MRE11: variants seen among roughly 807,000 people sequenced by gnomAD.
The protein encoded by MRE11 is MRE11 double strand break repair nuclease.
MRE11 carries 62 observed loss-of-function variants against 91.7 expected under a neutral mutation model. The ratio of observed to expected loss-of-function variants is 0.68; its 90% CI spans 0.55 to 0.84. MRE11 has a LOEUF of 0.84. Ranked by LOEUF, MRE11 falls within the 40% of genes least tolerant of loss-of-function variation. The probability of loss-of-function intolerance (pLI) is 0.00; values close to 1 mark genes in which losing one functional copy is unlikely to be tolerated. For synonymous variants in MRE11, 273 were observed against 271.4 expected, an observed-to-expected ratio of 1.01 and a Z score of -0.06; for missense variants, 796 against 852.9, an observed-to-expected ratio of 0.93 and a Z score of 0.83.
At chr11:94,497,043 C>T (rs1947426566), upstream of MRE11, 2 of 1,526,492 alleles carry the variant, frequency 1.3e-6, no homozygotes, top group South Asian at 1.1e-5. Flanking sequence ...GGCCATCATA[C>T]CTATCTCTTG....
Position 94,417,545 on chromosome 11 carries a change from C to T in MRE11, c.*2580G>A, listed in dbSNP as rs1345204336. 1 of 232,860 alleles carries T rather than the reference C, an allele frequency of 4.3e-6. No homozygotes were observed. Among genetic ancestry groups the T allele is most frequent in the Non-Finnish European group, 8.5e-6 (1 of 117,900 alleles). 14.4% of individuals were successfully genotyped at this position (232,860 alleles called of 1,614,324 possible). ...CTTCGTAATTTTAGATTTGCAGTTG[C>T]ATCCTCCTAACTGCGTCTAATGGCA... is the stretch of plus-strand genomic sequence containing the variant. On this transcript the variant is annotated 3_prime_UTR_variant, in exon 20 of 20. Coordinates refer to ENST00000323929, the MANE Select transcript of MRE11 (RefSeq NM_005591.4).
At chr11:94,462,543 A>G (rs112100157) in intron 11 of MRE11, among the ~76,000 whole-genome samples, 7 of 152,360 alleles carry the variant, frequency 4.6e-5, no homozygotes, top group Middle Eastern at 3.4e-3. Context: ...ACAAGGCTAC[A>G]GTAACCAAAA....
In MRE11 at chr11:94,418,143, C is replaced by A. The variant is rs552230645; in HGVS notation, c.*1982G>T. 105 of 232,922 alleles carry A rather than the reference C, an allele frequency of 4.5e-4. No homozygotes were observed. The highest frequency in any genetic ancestry group is 2.2e-3 in the African/African-American group (102 of 45,428). 14.4% of individuals were successfully genotyped at this position (232,922 alleles called of 1,614,324 possible). On this transcript the variant is annotated 3_prime_UTR_variant, in exon 20 of 20. Coordinates refer to ENST00000323929, the MANE Select transcript of MRE11 (RefSeq NM_005591.4). ...ACTCCCCTAAAACCAACAGATTTTG[C>A]AGGATCAATATAAAATATTAAGGAT...
intron 19 of MRE11, among the ~76,000 whole-genome samples, chr11:94,423,990 G>C (rs536553550): frequency 3.9e-5 from 6 of 152,252 alleles, no homozygotes; most frequent in Admixed American, 6.5e-5. Context: ...GGCAGCCATG[G>C]CCTCTGTCTA....
upstream of MRE11, among the ~76,000 whole-genome samples, chr11:94,495,400 A>C (rs1404294681): frequency 6.6e-6 from 1 of 152,192 alleles, no homozygotes; most frequent in Non-Finnish European, 1.5e-5. Context: ...TTCAGCTTAT[A>C]ATCTTTTAAG....
rs13447762 is a variant in MRE11 at position 94,417,252 on chromosome 11, A to C, written c.*2873T>G. On this transcript the variant is annotated 3_prime_UTR_variant, in exon 20 of 20. Transcript: ENST00000323929. ...TCGGCCTCCCAAAGTGCTGGGATTA[A>C]AGGCATGAGCCACTGCACCCAGCCC... 1,779 of 188,142 alleles carry C rather than the reference A, an allele frequency of 9.5e-3. 15 individuals carry two copies. Among genetic ancestry groups the C allele is most frequent in the Non-Finnish European group, 0.014 (1,206 of 89,296 alleles). 11.7% of individuals were successfully genotyped at this position (188,142 alleles called of 1,614,324 possible). A position where few individuals can be genotyped will look rare whatever the true frequency, so the allele number is the denominator to read the frequency against.
chr11:94,458,093 A>G (rs142370475), intron 13 of MRE11, among the ~76,000 whole-genome samples: 211 of 152,234 alleles, frequency 1.4e-3, no homozygotes, highest in African/African-American at 4.9e-3. Context: ...CTCTGGAAGT[A>G]CTTGGTATTA....
At chr11:94,497,824 A>C, upstream of MRE11, 1 of 415,444 alleles carries the variant, frequency 2.4e-6, no homozygotes, top group Non-Finnish European at 4.3e-6. Flanking sequence ...GAGTAAATGT[A>C]TGGTTTGATA....
chr11:94,440,112 T>C (rs1173549457), intron 16 of MRE11, among the ~76,000 whole-genome samples: 2 of 152,226 alleles, frequency 1.3e-5, no homozygotes, highest in African/African-American at 4.8e-5. Context: ...TTAACCATCA[T>C]GCTCTGCTGC....
rs1211668019 is a variant in MRE11, at chr11:94,418,912, T to C, written c.*1213A>G. On this transcript the variant is annotated 3_prime_UTR_variant, in exon 20 of 20. Coordinates refer to ENST00000323929, the MANE Select transcript of MRE11 (RefSeq NM_005591.4). ...GTCTGTCTCTTATAATTTGACACAT[T>C]CCAGGTATGACTATTCTAATGGTCA... The C allele has an allele frequency of 4.3e-6, 1 of 231,038 alleles. No individual in the cohort carries two copies. 14.3% of individuals were successfully genotyped at this position (231,038 alleles called of 1,614,324 possible).
At chr11:94,504,749 A>G in the MRE11 span, among the ~76,000 whole-genome samples, 1,440 of 152,348 alleles carry the variant, frequency 9.5e-3, 36 homozygotes, top group East Asian at 0.073. Flanking sequence ...ATAGAATTAA[A>G]CACAAGTAAT....
At chr11:94,457,887 T>A (rs199702435) in intron 13 of MRE11, among the ~76,000 whole-genome samples, 40 of 144,284 alleles carry the variant, frequency 2.8e-4, no homozygotes, top group African/African-American at 5.2e-4. Flanking sequence ...TCTCTCTCTC[T>A]CACACACACA....
chr11:94,438,965 C>T (rs1037264369), intron 16 of MRE11, among the ~76,000 whole-genome samples: 23 of 152,132 alleles, frequency 1.5e-4, no homozygotes, highest in African/African-American at 4.3e-4. Context: ...ATGTAAAGGC[C>T]GTGACTTCAG....
At chr11:94,461,210 T>G (rs1388085694) in intron 11 of MRE11, among the ~76,000 whole-genome samples, 174 bp from the exon 12 acceptor site, 2 of 152,198 alleles carry the variant, frequency 1.3e-5, no homozygotes, top group Non-Finnish European at 2.9e-5. Flanking sequence ...CACGGTCTTT[T>G]CCCCACAGTC....
intron 14 of MRE11, among the ~76,000 whole-genome samples, chr11:94,452,563 A>T (rs1463244154): frequency 6.6e-6 from 1 of 152,226 alleles, no homozygotes; most frequent in Non-Finnish European, 1.5e-5. Context: ...GGAATCAATT[A>T]CTAACCATCA....
At chr11:94,498,181 T>C (rs1947444752), upstream of MRE11, 2 of 1,614,196 alleles carry the variant, frequency 1.2e-6, no homozygotes, top group South Asian at 2.2e-5. Context: ...ACTTAGATAT[T>C]GTTCAGGAGC....
intron 3 of MRE11, among the ~76,000 whole-genome samples, chr11:94,487,340 AAAG>A (rs1379349088): frequency 1.4e-4 from 21 of 152,232 alleles, no homozygotes; most frequent in Admixed American, 9.2e-4. Context: ...GAAATATTGA[AAAG>A]AACACGACTC....
intron 16 of MRE11, among the ~76,000 whole-genome samples, chr11:94,443,021 G>A (rs752884848): frequency 1.3e-4 from 20 of 152,182 alleles, no homozygotes; most frequent in Non-Finnish European, 2.4e-4. Context: ...TAATACTTGA[G>A]TAAAAATATA....
intron 5 of MRE11, 55 bp from the exon 6 acceptor site, chr11:94,478,931 A>C: frequency 6.4e-7 from 1 of 1,568,076 alleles, no homozygotes; most frequent in South Asian, 1.1e-5. Flanking sequence ...AGGTATCTGC[A>C]TGAATATCGT....
Sources: allele counts gnomAD v4.1 joint callset (sites outside exome capture counted in the v4.1 genomes callset), GRCh38; gene constraint gnomAD v4.1.1; transcripts MANE v1.5; gene names NCBI Gene and HGNC (gene_info 2026-07-23, HGNC 2026-07-21).